The following TBC1D2 variants were observed in gnomAD, a reference collection of about 807,000 sequenced individuals.
TBC1D2 encodes the protein TBC1 domain family member 2A.
In TBC1D2, 58 loss-of-function variants were observed where a neutral mutation model predicts 91.1. That is an observed-to-expected ratio of 0.64 (90% CI 0.52 to 0.79). TBC1D2 has a LOEUF of 0.79. TBC1D2 is among the 30% of genes least tolerant of loss of function. The probability of loss-of-function intolerance (pLI) is 0.00; values close to 1 mark genes in which losing one functional copy is unlikely to be tolerated. For synonymous variants in TBC1D2, 482 were observed against 511.5 expected, an observed-to-expected ratio of 0.94 and a Z score of 0.78; for missense variants, 1,080 against 1,208.3, an observed-to-expected ratio of 0.89 and a Z score of 1.57.
chr9:98,210,893 C>CTCAGAGG, intron 7 of TBC1D2, 50 bp from the exon 8 acceptor site: 1 of 1,255,352 alleles, frequency 8.0e-7, no homozygotes, highest in Non-Finnish European at 1.1e-6. Flanking sequence ...GCTGGGCCGC[C>CTCAGAGG]CCAGAGGCCT....
intron 7 of TBC1D2, 82 bp downstream of exon 7, chr9:98,213,026 G>C (rs1453142881): frequency 2.0e-6 from 3 of 1,469,556 alleles, no homozygotes; most frequent in African/African-American, 1.4e-5. Context: ...AGGAAATGAG[G>C]AGAGTGAGAC....
intron 4 of TBC1D2, 133 bp downstream of exon 4, chr9:98,233,283 T>A: frequency 5.6e-6 from 7 of 1,259,794 alleles, no homozygotes; most frequent in Non-Finnish European, 7.5e-6. Flanking sequence ...CTATGGTGTT[T>A]CAGTAAGTAG....
At chr9:98,222,413 T>A (rs186134009) in intron 5 of TBC1D2, among the ~76,000 whole-genome samples, 298 of 152,346 alleles carry the variant, frequency 2.0e-3, no homozygotes, top group African/African-American at 6.8e-3. Context: ...TTGTGCCTAG[T>A]TACCTTCAGC....
intron 4 of TBC1D2, among the ~76,000 whole-genome samples, chr9:98,230,973 A>G (rs1564250809): frequency 6.6e-6 from 1 of 152,186 alleles, no homozygotes; most frequent in Non-Finnish European, 1.5e-5. Flanking sequence ...CACTGGGTAC[A>G]AGGCAGCCTG....
At chr9:98,234,782 T>C (rs965561765) in intron 3 of TBC1D2, 5 of 162,436 alleles carry the variant, frequency 3.1e-5, no homozygotes, top group Admixed American at 6.2e-5. Flanking sequence ...AACTGACGCT[T>C]GTGGGGCTAC....
chr9:98,214,819 A>G (rs1345305769), intron 6 of TBC1D2, among the ~76,000 whole-genome samples: 2 of 152,062 alleles, frequency 1.3e-5, no homozygotes, highest in Non-Finnish European at 2.9e-5. Context: ...GACACACTAG[A>G]AGGGCCTCTG....
intron 6 of TBC1D2, among the ~76,000 whole-genome samples, chr9:98,219,788 A>G (rs1484260850): frequency 3.3e-5 from 5 of 152,234 alleles, no homozygotes; most frequent in African/African-American, 1.2e-4. Context: ...ATCTTATGGG[A>G]CCATCACATA....
At chr9:98,245,207 T>A (rs1380544578) in intron 2 of TBC1D2, among the ~76,000 whole-genome samples, 2 of 151,924 alleles carry the variant, frequency 1.3e-5, no homozygotes, top group African/African-American at 4.8e-5. Flanking sequence ...GCCACTGCAC[T>A]TCAGCCTGGG....
intron 2 of TBC1D2, among the ~76,000 whole-genome samples, chr9:98,249,902 C>T (rs1435789574): frequency 1.3e-5 from 2 of 152,138 alleles, no homozygotes; most frequent in African/African-American, 4.8e-5. Flanking sequence ...TTGACTTACA[C>T]ATTCATTCCA....
In TBC1D2 at chr9:98,212,603, G is replaced by A. The variant is rs955905683; in HGVS notation, c.1485+505C>T. ...TGCAAGCTCCGCCTCCCAGGTTCACGCCATTCTCCTGCCTCAGCCTCCCGG... is the reference window on the plus strand; with the variant it reads ...TGCAAGCTCCGCCTCCCAGGTTCACACCATTCTCCTGCCTCAGCCTCCCGG... On this transcript the variant is annotated intron_variant, in intron 7 of 12. Coordinates refer to ENST00000465784, the MANE Select transcript of TBC1D2 (RefSeq NM_001267571.2). Among the ~76,000 whole-genome samples the A allele has an allele frequency of 7.9e-5, 12 of 151,878 alleles. 1 individual carries two copies. In the Middle Eastern group the frequency reaches 0.01, roughly 129 times the overall value.
At chr9:98,234,979 G>C (rs1312913614) in intron 3 of TBC1D2, 1 of 165,930 alleles carries the variant, frequency 6.0e-6, no homozygotes, top group Non-Finnish European at 1.3e-5. Flanking sequence ...GCTGAGGTGG[G>C]TGGCTCACGA....
intron 6 of TBC1D2, among the ~76,000 whole-genome samples, chr9:98,214,883 C>G (rs981738349): frequency 6.6e-6 from 1 of 152,202 alleles, no homozygotes; most frequent in African/African-American, 2.4e-5. Flanking sequence ...TCACCCCTCA[C>G]CACTCCACGG....
Position 98,200,258 on chromosome 9 carries a change from G to A in TBC1D2, c.2574C>T (p.Asn858=), listed in dbSNP as rs778211899. ...AGGGGGTGGGGGTTCCTCACCGGCTGTTGGAGATGGTCTTGGTGAAGAAGC... is the reference window on the plus strand; with the variant it reads ...AGGGGGTGGGGGTTCCTCACCGGCTATTGGAGATGGTCTTGGTGAAGAAGC... ...YLRFFTKTIS[N]SRKLMNIAFN... The change falls in exon 12 of 13, where the codon AAC becomes AAT. Residue 858 remains asparagine, a synonymous_variant. Coordinates refer to ENST00000465784, the MANE Select transcript of TBC1D2 (RefSeq NM_001267571.2). The A allele has an allele frequency of 4.3e-6, 7 of 1,613,798 alleles. No individual in the cohort carries two copies. The South Asian group carries it at 6.6e-5, about 15-fold the overall frequency.
chr9:98,235,763 G>A (rs764391969), intron 3 of TBC1D2, among the ~76,000 whole-genome samples: 1 of 152,136 alleles, frequency 6.6e-6, no homozygotes, highest in South Asian at 2.1e-4. Flanking sequence ...GGCTGGGCAC[G>A]GTGGCTCACG....
chr9:98,212,984 C>T (rs1367218307), intron 7 of TBC1D2, 124 bp downstream of exon 7: 1 of 1,057,010 alleles, frequency 9.5e-7, no homozygotes, highest in Non-Finnish European at 1.4e-6. Context: ...GCCCTGCTCA[C>T]AAGGGGTCAG....
At chr9:98,200,140 C>A (rs1012309751) in intron 12 of TBC1D2, 113 bp downstream of exon 12, 2 of 1,433,564 alleles carry the variant, frequency 1.4e-6, no homozygotes, top group Non-Finnish European at 1.9e-6. Flanking sequence ...AGCTATAATA[C>A]GAGCATCAGC....
chr9:98,255,293 G>T lies in TBC1D2; in HGVS notation c.249C>A (p.Thr83=), dbSNP rs773013757. Residue 83 remains threonine, a synonymous_variant, in exon 1 of 13, where the codon ACC becomes ACA. Transcript: ENST00000465784. The part of the protein sequence containing the change: ...ERKCQLYYSR[T]AQDANPLDSI... ...TGTCCAAGGGATTGGCATCCTGAGCGGTCCGCGAGTAATACAGCTGACATT... is the reference window on the plus strand; with the variant it reads ...TGTCCAAGGGATTGGCATCCTGAGCTGTCCGCGAGTAATACAGCTGACATT... 1 of 1,614,248 alleles carries T rather than the reference G, an allele frequency of 6.2e-7. No individual in the cohort carries two copies. Among genetic ancestry groups the T allele is most frequent in the Non-Finnish European group, 8.5e-7 (1 of 1,180,042 alleles).
chr9:98,236,918 C>T (rs1295172827), intron 3 of TBC1D2, among the ~76,000 whole-genome samples: 1 of 144,900 alleles, frequency 6.9e-6, no homozygotes, highest in Non-Finnish European at 1.5e-5. Flanking sequence ...CTGTGTAGAT[C>T]ATTACTTCCA....
chr9:98,216,379 C>T (rs907666778), intron 6 of TBC1D2, among the ~76,000 whole-genome samples: 2 of 152,182 alleles, frequency 1.3e-5, no homozygotes, highest in South Asian at 2.1e-4. Context: ...ACAAGCCCCC[C>T]CGCAAGGGAG....
Sources: allele counts gnomAD v4.1 joint callset (sites outside exome capture counted in the v4.1 genomes callset), GRCh38; gene constraint gnomAD v4.1.1; transcripts MANE v1.5; gene names NCBI Gene and HGNC (gene_info 2026-07-23, HGNC 2026-07-21).